DCC: variants seen among roughly 807,000 people sequenced by gnomAD.
DCC encodes the protein netrin receptor DCC.
Under a neutral mutation model 172.5 loss-of-function variants are expected in DCC, and 58 were observed. That is an observed-to-expected ratio of 0.34 (90% CI 0.27 to 0.42). DCC has a LOEUF of 0.42. DCC is among the 10% of genes least tolerant of loss of function. DCC has a pLI of 1.00. For synonymous variants in DCC, 709 were observed against 644.5 expected (o/e 1.10, Z -1.52); for missense variants, 1,740 against 1,791.0 (o/e 0.97, Z 0.51).
At chr18:53,417,918 T>A (rs1185193756) in intron 21 of DCC, among the ~76,000 whole-genome samples, 1 of 152,174 alleles carries the variant, frequency 6.6e-6, no homozygotes. Context: ...ATGAGTAAAT[T>A]ATTTCCCAGT....
chr18:53,140,667 C>T (rs2043816709), intron 7 of DCC, among the ~76,000 whole-genome samples: 1 of 151,760 alleles, frequency 6.6e-6, no homozygotes, highest in Non-Finnish European at 1.5e-5. Context: ...GGAAGGGAAA[C>T]TAGTAATCAA....
chr18:52,515,739 T>C (rs1190349124), intron 1 of DCC, among the ~76,000 whole-genome samples: 3 of 146,864 alleles, frequency 2.0e-5, no homozygotes, highest in Non-Finnish European at 4.5e-5. Flanking sequence ...AAAGGAAAAA[T>C]TGAGTCACTG....
intron 5 of DCC, among the ~76,000 whole-genome samples, chr18:53,023,448 C>T (rs956976829): frequency 2.1e-5 from 3 of 142,988 alleles, no homozygotes; most frequent in African/African-American, 7.8e-5. Context: ...TTATGCAGCC[C>T]AGATTTTGGT....
intron 27 of DCC, among the ~76,000 whole-genome samples, chr18:53,501,693 T>C (rs1430419710): frequency 1.3e-5 from 2 of 152,146 alleles, no homozygotes; most frequent in Non-Finnish European, 2.9e-5. Context: ...ATAAAACAGC[T>C]GAAAATGACA....
At chr18:52,476,038 T>A (rs904064784) in intron 1 of DCC, among the ~76,000 whole-genome samples, 3 of 152,158 alleles carry the variant, frequency 2.0e-5, no homozygotes, top group Non-Finnish European at 4.4e-5. Context: ...AACATTTGAA[T>A]CCTGAAACAA....
At chr18:52,604,329 T>A (rs1214768991) in intron 1 of DCC, among the ~76,000 whole-genome samples, 1 of 152,276 alleles carries the variant, frequency 6.6e-6, no homozygotes, top group African/African-American at 2.4e-5. Context: ...AGGGAACATC[T>A]GATAGCTTCT....
chr18:53,330,871 A>C (rs949771597), intron 14 of DCC, among the ~76,000 whole-genome samples: 2 of 152,212 alleles, frequency 1.3e-5, no homozygotes, highest in Admixed American at 1.3e-4. Flanking sequence ...CACTCTTCTC[A>C]ATAGACTTGA....
intron 22 of DCC, among the ~76,000 whole-genome samples, chr18:53,448,055 T>TTTTTG (rs1555673132): frequency 0.021 from 3,121 of 149,646 alleles, 106 homozygotes; most frequent in African/African-American, 0.074. Context: ...GAGTTTTTTT[T>TTTTTG]TTTTTTTTTT....
intron 7 of DCC, among the ~76,000 whole-genome samples, chr18:53,104,864 T>A (rs925847793): frequency 1.3e-5 from 2 of 152,004 alleles, no homozygotes; most frequent in East Asian, 1.9e-4. Flanking sequence ...ATCATTTAGA[T>A]CTCCTGTCTG....
At chr18:52,489,234 G>A (rs73955702) in intron 1 of DCC, among the ~76,000 whole-genome samples, 4,791 of 152,036 alleles carry the variant, frequency 0.032, 264 homozygotes, top group African/African-American at 0.11. Flanking sequence ...GAAGCTCTCC[G>A]TAGTCAACTT....
At chr18:52,724,503 A>G (rs1443175481) in intron 1 of DCC, among the ~76,000 whole-genome samples, 9 of 151,956 alleles carry the variant, frequency 5.9e-5, no homozygotes. Context: ...ACCTGTACCT[A>G]TATTTCCAAA....
At chr18:53,045,435 T>G (rs938077194) in intron 5 of DCC, among the ~76,000 whole-genome samples, 1 of 151,750 alleles carries the variant, frequency 6.6e-6, no homozygotes. Context: ...CAGGAGAAGA[T>G]GTTTAGGGTT....
At chr18:52,776,798 G>A (rs959191273) in intron 2 of DCC, among the ~76,000 whole-genome samples, 1 of 152,166 alleles carries the variant, frequency 6.6e-6, no homozygotes, top group Non-Finnish European at 1.5e-5. Flanking sequence ...TTATTACTTT[G>A]AGAAAAGTTT....
At chr18:52,714,341 C>G (rs1475030156) in intron 1 of DCC, among the ~76,000 whole-genome samples, 1 of 152,172 alleles carries the variant, frequency 6.6e-6, no homozygotes, top group Non-Finnish European at 1.5e-5. Flanking sequence ...TTTCGATGAA[C>G]ATTGTGTTAA....
chr18:52,372,404 C>G (rs1247222247), intron 1 of DCC, among the ~76,000 whole-genome samples: 1 of 152,126 alleles, frequency 6.6e-6, no homozygotes, highest in Non-Finnish European at 1.5e-5. Flanking sequence ...GTGCTGTAGG[C>G]TAAACTGTTC....
At chr18:52,408,780 A>G (rs1380858497) in intron 1 of DCC, among the ~76,000 whole-genome samples, 1 of 152,080 alleles carries the variant, frequency 6.6e-6, no homozygotes, top group Non-Finnish European at 1.5e-5. Flanking sequence ...ATTTTCTTTC[A>G]TTTCTCAAAT....
intron 1 of DCC, among the ~76,000 whole-genome samples, chr18:52,695,572 A>G (rs1374408971): frequency 6.6e-6 from 1 of 152,220 alleles, no homozygotes; most frequent in Non-Finnish European, 1.5e-5. Context: ...TAAATCAGCA[A>G]CATTCAAGTC....
rs148060610 is a variant in DCC, at chr18:53,006,895, G to A, written c.986-56410G>A. Among the ~76,000 whole-genome samples the A allele has an allele frequency of 4.4e-3, 665 of 152,220 alleles. 6 individuals carry two copies. Among genetic ancestry groups the A allele is most frequent in the South Asian group, 0.012 (57 of 4,820 alleles). ...TGGTCATAACGTTTTGCAGCCTCCCGTTTCTACAAATGGTAATGACCATGG... is the reference window on the plus strand; with the variant it reads ...TGGTCATAACGTTTTGCAGCCTCCCATTTCTACAAATGGTAATGACCATGG... On this transcript the variant is annotated intron_variant, in intron 5 of 28. Coordinates refer to ENST00000442544, the MANE Select transcript of DCC (RefSeq NM_005215.4).
intron 2 of DCC, among the ~76,000 whole-genome samples, chr18:52,853,292 G>A (rs539043468): frequency 6.6e-6 from 1 of 152,278 alleles, no homozygotes; most frequent in South Asian, 2.1e-4. Flanking sequence ...CATTTCAAAT[G>A]AAGAAGTGAA....
Sources: gnomAD v4.1 joint callset for allele counts (sites outside exome capture counted in the v4.1 genomes callset) on GRCh38, gnomAD v4.1.1 for gene constraint, MANE v1.5 for transcripts, NCBI Gene and HGNC (gene_info 2026-07-23, HGNC 2026-07-21) for gene names.